SLC29A3: variants seen among roughly 807,000 people sequenced by gnomAD.
The protein encoded by SLC29A3 is solute carrier family 29 member 3, also known as equilibrative nucleoside transporter 3.
A neutral mutation model predicts 25.4 loss-of-function variants in SLC29A3; 18 were observed. The ratio of observed to expected loss-of-function variants is 0.71; its 90% CI spans 0.49 to 1.05. The LOEUF is 1.05. Among genes scored for constraint, SLC29A3 ranks in the 50% least tolerant of loss-of-function variants. The pLI is 0.00. For missense variants in SLC29A3, 586 were observed against 609.0 expected, an observed-to-expected ratio of 0.96 and a Z score of 0.40; for synonymous variants, 258 against 267.1, an observed-to-expected ratio of 0.97 and a Z score of 0.33.
At chr10:71,335,433 G>A (rs891093006) in intron 2 of SLC29A3, among the ~76,000 whole-genome samples, 1 of 152,234 alleles carries the variant, frequency 6.6e-6, no homozygotes, top group Non-Finnish European at 1.5e-5. Context: ...AGGCTGCAAG[G>A]AGGAGGGGCG....
chr10:71,369,188 C>A (rs1237933582), intron 3 of SLC29A3, among the ~76,000 whole-genome samples: 1 of 152,212 alleles, frequency 6.6e-6, no homozygotes, highest in Non-Finnish European at 1.5e-5. Context: ...TCTGCTGCAA[C>A]CTTGATCTTG....
Position 71,363,043 on chromosome 10 carries a change from C to T in SLC29A3, c.*435C>T. ...CAAGCAAATGCTCAGCTCTCCTTACCCTGAAGGGGTCTCCCTGGAATGGAA... is the reference window on the plus strand; with the variant it reads ...CAAGCAAATGCTCAGCTCTCCTTACTCTGAAGGGGTCTCCCTGGAATGGAA... On this transcript the variant is annotated 3_prime_UTR_variant, in exon 6 of 6. Transcript: ENST00000373189. 3 of 456,332 alleles carry T rather than the reference C, an allele frequency of 6.6e-6. No homozygotes were observed. Among genetic ancestry groups the T allele is most frequent in the South Asian group, 4.7e-5 (3 of 64,500 alleles). The allele number at this position is 456,332 out of a possible 1,614,324, so 28.3% of individuals were successfully genotyped here. A position where few individuals can be genotyped will look rare whatever the true frequency, so the allele number is the denominator to read the frequency against.
rs561205737 is a variant in SLC29A3, at chr10:71,342,605, C to T, written c.301-1604C>T. 3.7e-3 allele frequency among the ~76,000 whole-genome samples: 563 copies of T among 152,370 alleles called. 2 individuals carry two copies. Among genetic ancestry groups the T allele is most frequent in the African/African-American group, 0.012 (495 of 41,580 alleles). ...CAGCCACTGGATGAAGGGGCCTCAC[C>T]GGGGCTTGGGCTGGGGGCAGACGCA... On this transcript the variant is annotated intron_variant, in intron 2 of 5. Coordinates refer to ENST00000373189, the MANE Select transcript of SLC29A3 (RefSeq NM_018344.6).
intron 2 of SLC29A3, among the ~76,000 whole-genome samples, chr10:71,341,961 C>A (rs1463074140): frequency 6.6e-6 from 1 of 152,178 alleles, no homozygotes; most frequent in Admixed American, 6.5e-5. Flanking sequence ...CCCAACATGG[C>A]CACTTGCCTC....
At chr10:71,348,606 C>T (rs924042965) in intron 3 of SLC29A3, among the ~76,000 whole-genome samples, 1 of 152,130 alleles carries the variant, frequency 6.6e-6, no homozygotes, top group African/African-American at 2.4e-5. Flanking sequence ...AGGACCACCT[C>T]GAGCATCAGG....
At chr10:71,329,800 A>G (rs938032114) in intron 2 of SLC29A3, among the ~76,000 whole-genome samples, 2 of 152,230 alleles carry the variant, frequency 1.3e-5, no homozygotes, top group African/African-American at 4.8e-5. Context: ...CTCTGCCTCC[A>G]CTAGAGTACC....
chr10:71,330,983 A>T (rs1846105205), intron 2 of SLC29A3, among the ~76,000 whole-genome samples: 1 of 152,182 alleles, frequency 6.6e-6, no homozygotes, highest in South Asian at 2.1e-4. Flanking sequence ...ACTGGGACTC[A>T]GACCTGGGCC....
intron 5 of SLC29A3, among the ~76,000 whole-genome samples, chr10:71,360,718 G>GC (rs1474512853): frequency 6.6e-6 from 1 of 152,172 alleles, no homozygotes; most frequent in Non-Finnish European, 1.5e-5. Flanking sequence ...GTATACATGT[G>GC]CAAGGATTTA....
At chr10:71,324,728 G>C (rs1314977537) in intron 2 of SLC29A3, among the ~76,000 whole-genome samples, 4 of 152,132 alleles carry the variant, frequency 2.6e-5, no homozygotes, top group Admixed American at 6.5e-5. Flanking sequence ...TGGGAGTCCT[G>C]GACCAATGCC....
chr10:71,336,314 G>T (rs1413002366), intron 2 of SLC29A3, among the ~76,000 whole-genome samples: 1 of 152,124 alleles, frequency 6.6e-6, no homozygotes, highest in East Asian at 1.9e-4. Flanking sequence ...TGAGGTTCTG[G>T]GTAGACATGA....
chr10:71,335,577 G>A (rs1026523971), intron 2 of SLC29A3, among the ~76,000 whole-genome samples: 14 of 152,228 alleles, frequency 9.2e-5, no homozygotes, highest in African/African-American at 3.1e-4. Flanking sequence ...GGGTGGACAC[G>A]TGAGCCATAG....
chr10:71,329,686 G>A (rs1846075483), intron 2 of SLC29A3, among the ~76,000 whole-genome samples: 1 of 152,288 alleles, frequency 6.6e-6, no homozygotes, highest in African/African-American at 2.4e-5. Context: ...TTGAGCCCAG[G>A]AGTTCGAGTT....
chr10:71,353,603 C>A (rs1053556448), intron 4 of SLC29A3, among the ~76,000 whole-genome samples: 1 of 152,130 alleles, frequency 6.6e-6, no homozygotes, highest in African/African-American at 2.4e-5. Context: ...GTATTAATGA[C>A]CCTGAGTCTA....
intron 3 of SLC29A3, among the ~76,000 whole-genome samples, chr10:71,347,241 T>C (rs1846614905): frequency 6.6e-6 from 1 of 152,178 alleles, no homozygotes; most frequent in African/African-American, 2.4e-5. Flanking sequence ...TGCAGCATCA[T>C]AAATACTTAT....
intron 3 of SLC29A3, among the ~76,000 whole-genome samples, chr10:71,373,461 T>G (rs1847226506): frequency 6.6e-6 from 1 of 152,134 alleles, no homozygotes; most frequent in Non-Finnish European, 1.5e-5. Context: ...GCCACCTCGA[T>G]TCTTGAAATA....
intron 5 of SLC29A3, among the ~76,000 whole-genome samples, chr10:71,359,828 CCT>C (rs1391207405): frequency 6.6e-6 from 1 of 152,214 alleles, no homozygotes; most frequent in African/African-American, 2.4e-5. Context: ...ACACCAACTC[CCT>C]CTGTTTGAGC....
chr10:71,364,713 A>T (rs867363963), downstream of SLC29A3: 4 of 152,206 alleles, frequency 2.6e-5, no homozygotes, highest in African/African-American at 7.2e-5. Flanking sequence ...CATGCTCCCC[A>T]CCGTCTCAGC....
chr10:71,356,274 T>G (rs747045808), intron 5 of SLC29A3, 31 bp downstream of exon 5: 1 of 1,609,672 alleles, frequency 6.2e-7, no homozygotes, highest in Non-Finnish European at 8.5e-7. Context: ...CCATGCCTCC[T>G]TCCTGTGTAT....
chr10:71,377,824 ATTAC>A (rs1217590066), intron 4 of SLC29A3, among the ~76,000 whole-genome samples: 1 of 120,342 alleles, frequency 8.3e-6, no homozygotes, highest in Admixed American at 8.1e-5. Context: ...CTTTGCAAGG[ATTAC>A]TTAATTTGAT....
Sources: allele counts gnomAD v4.1 joint callset (sites outside exome capture counted in the v4.1 genomes callset), GRCh38; gene constraint gnomAD v4.1.1; transcripts MANE v1.5; gene names NCBI Gene and HGNC (gene_info 2026-07-23, HGNC 2026-07-21).